WDR72: variants seen among roughly 807,000 people sequenced by gnomAD.
The protein encoded by WDR72 is WD repeat domain 72.
WDR72 carries 120 observed loss-of-function variants against 124.2 expected under a neutral mutation model. The observed-to-expected ratio is 0.97, with a 90% CI of 0.83 to 1.12. The LOEUF is 1.12. WDR72 is among the 50% of genes most tolerant of loss of function. WDR72 has a pLI of 0.00. For missense variants in WDR72, 1,387 were observed against 1,278.8 expected, an observed-to-expected ratio of 1.08 and a Z score of -1.29; for synonymous variants, 452 against 441.7, an observed-to-expected ratio of 1.02 and a Z score of -0.29.
chr15:53,654,997 G>A lies in WDR72; in HGVS notation c.1962+10575C>T, dbSNP rs544609398. The stretch of plus-strand genomic sequence containing the variant: ...TGTAATCCCAGCATTTTGGGAGGCC[G>A]AGGCAGGTGGATCACCTGAGGTCAG... On this transcript the variant is annotated intron_variant, in intron 14 of 19. Transcript: ENST00000360509. 1.1e-4 allele frequency among the ~76,000 whole-genome samples: 17 copies of A among 152,146 alleles called. No individual in the cohort carries two copies. The South Asian group carries it at 3.1e-3, about 28-fold the overall frequency.
chr15:53,680,689 T>C (rs2140478577), intron 13 of WDR72, among the ~76,000 whole-genome samples: 1 of 152,342 alleles, frequency 6.6e-6, no homozygotes, highest in South Asian at 2.1e-4. Flanking sequence ...ATTCATTTAC[T>C]AAATTTACAA....
intron 13 of WDR72, among the ~76,000 whole-genome samples, chr15:53,678,796 A>G (rs747424978): frequency 6.6e-6 from 1 of 152,168 alleles, no homozygotes; most frequent in African/African-American, 2.4e-5. Context: ...ATCTGTGTTG[A>G]CTTCTGGGTA....
chr15:53,738,063 TA>T (rs1274492764), intron 1 of WDR72, among the ~76,000 whole-genome samples: 5 of 151,992 alleles, frequency 3.3e-5, no homozygotes, highest in Non-Finnish European at 5.9e-5. Flanking sequence ...GTTTGGAAAC[TA>T]AAAAAAATTC....
chr15:53,609,591 A>G lies in WDR72; in HGVS notation c.2874T>C (p.Gly958=). The G allele has an allele frequency of 1.2e-6, 2 of 1,612,720 alleles. No homozygotes were observed. The highest frequency in any genetic ancestry group is 1.7e-6 in the Non-Finnish European group (2 of 1,178,986). The change falls in exon 17 of 20, where the codon GGT becomes GGC. Residue 958 remains glycine, a splice_region_variant and synonymous_variant. Coordinates refer to ENST00000360509, the MANE Select transcript of WDR72 (RefSeq NM_182758.4). The part of the protein sequence containing the change: ...MSSFYSCLRN[G]KNESHVPEAD... ...CCTCAGGTACATGGGATTCATTCTT[A>G]CCTAGAAATATACAGAACACACTTG...
intron 14 of WDR72, among the ~76,000 whole-genome samples, chr15:53,626,384 C>T (rs543694753): frequency 2.0e-5 from 3 of 152,166 alleles, no homozygotes; most frequent in African/African-American, 7.2e-5. Context: ...GGAGCAGCAA[C>T]GGGCACCTTG....
intron 19 of WDR72, among the ~76,000 whole-genome samples, chr15:53,518,494 G>A (rs1319850407): frequency 6.6e-6 from 1 of 151,850 alleles, no homozygotes; most frequent in African/African-American, 2.4e-5. Context: ...TTGCTTTTGG[G>A]TAAATTTTAA....
chr15:53,718,247 GC>G (rs1391808223), intron 3 of WDR72, among the ~76,000 whole-genome samples: 1 of 132,382 alleles, frequency 7.6e-6, no homozygotes, highest in East Asian at 1.9e-4. Context: ...CTTGTTTCTA[GC>G]CCATTTCTAA....
intron 13 of WDR72, among the ~76,000 whole-genome samples, chr15:53,697,490 C>T (rs1031254029): frequency 6.6e-6 from 1 of 152,204 alleles, no homozygotes; most frequent in Non-Finnish European, 1.5e-5. Flanking sequence ...TGAGCTTCAA[C>T]TCTCACTGGG....
chr15:53,706,346 GTGTGTA>G (rs1468720408), intron 9 of WDR72, among the ~76,000 whole-genome samples: 47 of 98,070 alleles, frequency 4.8e-4, no homozygotes, highest in Admixed American at 2.3e-3. Flanking sequence ...GTGTGTGTGT[GTGTGTA>G]TATATATATA....
intron 9 of WDR72, among the ~76,000 whole-genome samples, chr15:53,707,799 T>C (rs1486762842): frequency 6.6e-6 from 1 of 152,174 alleles, no homozygotes; most frequent in Non-Finnish European, 1.5e-5. Flanking sequence ...GCCATGATTT[T>C]TATAGCTATT....
intron 13 of WDR72, among the ~76,000 whole-genome samples, chr15:53,670,533 G>A (rs1158958460): frequency 3.9e-5 from 6 of 152,106 alleles, no homozygotes; most frequent in Non-Finnish European, 7.3e-5. Flanking sequence ...CTGTCCAGGG[G>A]GACAACAAGG....
intron 18 of WDR72, among the ~76,000 whole-genome samples, chr15:53,595,884 C>T (rs1359615670): frequency 3.9e-5 from 6 of 152,070 alleles, no homozygotes. Context: ...TTAAAATAAC[C>T]ATCTAGCTTT....
intron 13 of WDR72, among the ~76,000 whole-genome samples, chr15:53,690,233 C>CT (rs1270555065): frequency 1.3e-5 from 2 of 151,718 alleles, no homozygotes; most frequent in East Asian, 3.9e-4. Flanking sequence ...AGAAAAAAAA[C>CT]TTAAAAAAAA....
intron 14 of WDR72, among the ~76,000 whole-genome samples, chr15:53,646,241 C>G (rs1297260136): frequency 6.6e-6 from 1 of 152,012 alleles, no homozygotes; most frequent in Non-Finnish European, 1.5e-5. Context: ...GGAAAAACAA[C>G]CAAAGTCCTA....
Position 53,731,248 on chromosome 15 carries a change from CTT to C in WDR72, c.153+1747_153+1748del, listed in dbSNP as rs1012288576. 7.9e-5 allele frequency among the ~76,000 whole-genome samples: 12 copies of C among 152,158 alleles called. No individual in the cohort carries two copies. The East Asian group carries it at 2.3e-3, about 30-fold the overall frequency. ...CGTCTTCCCCTCTGGCCTTACCTCT[CTT>C]TGATCCTTTTTCACACCTAGGTTAA... On this transcript the variant is annotated intron_variant, in intron 2 of 19. Transcript: ENST00000360509.
At chr15:53,660,531 A>T (rs2015574190) in intron 14 of WDR72, among the ~76,000 whole-genome samples, 1 of 152,138 alleles carries the variant, frequency 6.6e-6, no homozygotes. Context: ...CTCTAATAAA[A>T]ATTTTCAGCA....
At chr15:53,527,522 A>G (rs1447692477) in intron 18 of WDR72, among the ~76,000 whole-genome samples, 2 of 152,086 alleles carry the variant, frequency 1.3e-5, no homozygotes, top group African/African-American at 4.8e-5. Flanking sequence ...AAACCCTATA[A>G]TTTACAGTGT....
intron 3 of WDR72, among the ~76,000 whole-genome samples, chr15:53,721,607 C>A (rs1212334193): frequency 6.6e-6 from 1 of 152,156 alleles, no homozygotes; most frequent in Non-Finnish European, 1.5e-5. Flanking sequence ...AAATAGGTAT[C>A]TCTTTGATAC....
At chr15:53,689,309 C>G (rs2016755702) in intron 13 of WDR72, among the ~76,000 whole-genome samples, 1 of 149,976 alleles carries the variant, frequency 6.7e-6, no homozygotes, top group Non-Finnish European at 1.5e-5. Flanking sequence ...TTTTCACAAC[C>G]TACTCATCTG....
Sources: gnomAD v4.1 joint callset for allele counts (sites outside exome capture counted in the v4.1 genomes callset) on GRCh38, gnomAD v4.1.1 for gene constraint, MANE v1.5 for transcripts, NCBI Gene and HGNC (gene_info 2026-07-23, HGNC 2026-07-21) for gene names.